The following NOS1 variants were observed in gnomAD, a reference collection of about 807,000 sequenced individuals.
NOS1 encodes the protein NOS type I.
In NOS1, 51 loss-of-function variants were observed where a neutral mutation model predicts 164.5. The observed-to-expected ratio is 0.31, with a 90% CI of 0.25 to 0.39. The LOEUF (loss-of-function observed/expected upper bound fraction) is 0.39, where lower values mean the gene tolerates loss of function less well. NOS1 is among the 10% of genes least tolerant of loss of function. NOS1 has a pLI of 1.00. For missense variants in NOS1, 1,362 were observed against 1,885.6 expected, an observed-to-expected ratio of 0.72 and a Z score of 5.14; for synonymous variants, 719 against 745.8, an observed-to-expected ratio of 0.96 and a Z score of 0.59.
chr12:117,336,827 C>T (rs1446233752), intron 1 of NOS1, among the ~76,000 whole-genome samples: 1 of 152,142 alleles, frequency 6.6e-6, no homozygotes, highest in East Asian at 1.9e-4. Context: ...GACAGGGTCT[C>T]ACTCTGTCAC....
Position 117,330,688 on chromosome 12 carries a change from G to T in NOS1, c.382C>A (p.Pro128Thr), listed in dbSNP as rs1203554556. The T allele has an allele frequency of 1.2e-6, 2 of 1,613,540 alleles. No homozygotes were observed. The highest frequency in any genetic ancestry group is 2.2e-5 in the East Asian group (1 of 44,826). The stretch of plus-strand genomic sequence containing the variant: ...GACAGATCCACGGCTTTGGTGGGGG[G>T]ACCCAGGGGCTGTGTCACCCGGATG... ...KTIRVTQPLG[P>T]PTKAVDLSHQ... The change falls in exon 2 of 29, where the codon CCC becomes ACC. Residue 128 changes from proline to threonine, a missense_variant. Around this residue, in one of 4 missense-constraint regions of NOS1, gnomAD observed 362 missense variants for 402.0 expected, o/e 0.90. Coordinates refer to ENST00000317775, the MANE Select transcript of NOS1 (RefSeq NM_000620.5). The surrounding 1 kb of genome is among the most constrained non-coding windows in gnomAD (Gnocchi z 4.6).
rs1224575175 is a variant in NOS1 at position 117,213,864 on chromosome 12, C to G, written c.*1445G>C. 1.0e-6 allele frequency: 1 copy of G among 985,250 alleles called. No individual in the cohort carries two copies. The highest frequency in any genetic ancestry group is 1.1e-4 in the East Asian group (1 of 8,828). 61.0% of individuals were successfully genotyped at this position (985,250 alleles called of 1,614,324 possible). A position where few individuals can be genotyped will look rare whatever the true frequency, so the allele number is the denominator to read the frequency against. On this transcript the variant is annotated 3_prime_UTR_variant, in exon 29 of 29. Coordinates refer to ENST00000317775, the MANE Select transcript of NOS1 (RefSeq NM_000620.5). The stretch of plus-strand genomic sequence containing the variant: ...AAAAAGTATACAAAGGGATCCCTTC[C>G]CACCATTTACTCTGAGAGAGTAAAT...
chr12:117,262,032 C>T (rs1013413356), intron 13 of NOS1, among the ~76,000 whole-genome samples: 1 of 152,148 alleles, frequency 6.6e-6, no homozygotes, highest in African/African-American at 2.4e-5. Flanking sequence ...TCAGTGCAGA[C>T]AAATCGCTAA....
At chr12:117,324,969 C>T (rs890826502) in intron 2 of NOS1, among the ~76,000 whole-genome samples, 11 of 152,186 alleles carry the variant, frequency 7.2e-5, no homozygotes, top group Non-Finnish European at 1.5e-4. Context: ...GGAGATTAAG[C>T]CTGTTTCCAA....
At chr12:117,309,328 T>C in intron 3 of NOS1, 2 of 985,292 alleles carry the variant, frequency 2.0e-6, no homozygotes, top group Non-Finnish European at 2.4e-6. Flanking sequence ...ACAGAATCCC[T>C]GATGTCCTTA....
chr12:117,221,670 G>C (rs192131936), intron 26 of NOS1, among the ~76,000 whole-genome samples: 1 of 151,450 alleles, frequency 6.6e-6, no homozygotes, highest in Non-Finnish European at 1.5e-5. Context: ...GTCTTGGTCT[G>C]TTGCCCAGGG....
chr12:117,208,806 T>C lies in NOS1; in HGVS notation c.*6503A>G. The C allele has an allele frequency of 1.1e-6, 1 of 875,088 alleles. No individual in the cohort carries two copies. The highest frequency in any genetic ancestry group is 1.4e-6 in the Non-Finnish European group (1 of 730,758). The allele number at this position is 875,088 out of a possible 1,614,324, so 54.2% of individuals were successfully genotyped here. ...GGTGCCATCTCGGCTCACTGCAGCC[T>C]CTGCCTCCTGGGTTCAAGTAATTCT... On this transcript the variant is annotated 3_prime_UTR_variant, in exon 29 of 29. Coordinates refer to ENST00000317775, the MANE Select transcript of NOS1 (RefSeq NM_000620.5).
In NOS1 at chr12:117,286,132, A is replaced by G; in HGVS notation, c.1262T>C (p.Val421Ala). 14 of 1,614,206 alleles carry G rather than the reference A, an allele frequency of 8.7e-6. No individual in the cohort carries two copies. Among genetic ancestry groups the G allele is most frequent in the Non-Finnish European group, 1.1e-5 (13 of 1,180,042 alleles). ...KHAWRNASRCVGRIQWSKLQV... is the reference protein window; with the variant it reads ...KHAWRNASRCAGRIQWSKLQV... ...CAGCTTGGACCACTGGATCCTGCCC[A>G]CACAGCGCGAGGCATTCCGCCAGGC... Residue 421 changes from valine to alanine, a missense_variant, in exon 6 of 29, where the codon GTG becomes GCG. Transcript: ENST00000317775.
chr12:117,269,474 T>TG (rs2135993960), intron 10 of NOS1, among the ~76,000 whole-genome samples: 1 of 144,920 alleles, frequency 6.9e-6, no homozygotes, highest in African/African-American at 2.6e-5. Context: ...GTTTTTTTTT[T>TG]TTTTTTTTTT....
chr12:117,316,674 T>C (rs138244528), intron 2 of NOS1, among the ~76,000 whole-genome samples: 31 of 152,252 alleles, frequency 2.0e-4, no homozygotes, highest in Non-Finnish European at 2.9e-4. Context: ...CAACAAGAGC[T>C]TGCAGATGAG....
chr12:117,227,034 G>T (rs1430595541), intron 23 of NOS1, among the ~76,000 whole-genome samples: 4 of 152,086 alleles, frequency 2.6e-5, no homozygotes, highest in Admixed American at 2.6e-4. Context: ...TGGCTTGCTG[G>T]GCTCCTGGGA....
At chr12:117,300,141 T>G (rs1566065786) in intron 3 of NOS1, among the ~76,000 whole-genome samples, 1 of 152,132 alleles carries the variant, frequency 6.6e-6, no homozygotes, top group East Asian at 1.9e-4. Flanking sequence ...TGTTGACCTG[T>G]AAGAGCCTCT....
At chr12:117,316,005 C>T (rs1874650892) in intron 2 of NOS1, among the ~76,000 whole-genome samples, 1 of 152,158 alleles carries the variant, frequency 6.6e-6, no homozygotes, top group Non-Finnish European at 1.5e-5. Flanking sequence ...CATATCTGCA[C>T]AATCCCATGT....
chr12:117,338,127 G>T (rs1158855963), intron 1 of NOS1, among the ~76,000 whole-genome samples: 1 of 152,138 alleles, frequency 6.6e-6, no homozygotes, highest in Non-Finnish European at 1.5e-5. Context: ...TGAGGCAGGA[G>T]AATGACTTGA....
chr12:117,300,918 C>T lies in NOS1; in HGVS notation c.853-10492G>A, dbSNP rs7961022. Among the ~76,000 whole-genome samples, 515 of 152,156 alleles carry T rather than the reference C, an allele frequency of 3.4e-3. 3 individuals carry two copies. Among genetic ancestry groups the T allele is most frequent in the African/African-American group, 0.012 (487 of 41,500 alleles). On this transcript the variant is annotated intron_variant, in intron 3 of 28. Coordinates refer to ENST00000317775, the MANE Select transcript of NOS1 (RefSeq NM_000620.5). ...CCTGAGATGTCAGCCTCAAGGGAGC[C>T]GATGGACTCTGCCAAAGCCAGCCAA...
chr12:117,220,102 G>A lies in NOS1; in HGVS notation c.4143C>T (p.Asp1381=), dbSNP rs750230730. 13 of 1,612,140 alleles carry A rather than the reference G, an allele frequency of 8.1e-6. No homozygotes were observed. Among genetic ancestry groups the A allele is most frequent in the Middle Eastern group, 1.6e-4 (1 of 6,072 alleles). ...MTQQGKLSAE[D]AGVFISRMRD... ...TCATCCGGCTGATGAATACGCCGGCGTCCTCTGCCGAGAGCTTCCCCTGCT... is the reference window on the plus strand; with the variant it reads ...TCATCCGGCTGATGAATACGCCGGCATCCTCTGCCGAGAGCTTCCCCTGCT... Residue 1381 remains aspartate, a synonymous_variant, in exon 27 of 29, where the codon GAC becomes GAT. Coordinates refer to ENST00000317775, the MANE Select transcript of NOS1 (RefSeq NM_000620.5).
At chr12:117,275,572 G>T (rs1023378917) in intron 9 of NOS1, among the ~76,000 whole-genome samples, 2 of 152,046 alleles carry the variant, frequency 1.3e-5, no homozygotes, top group African/African-American at 2.4e-5. Context: ...GGAATAAGTT[G>T]TACTGTTCTA....
At chr12:117,308,081 C>T (rs750169053) in intron 3 of NOS1, among the ~76,000 whole-genome samples, 22 of 151,988 alleles carry the variant, frequency 1.4e-4, no homozygotes, top group Non-Finnish European at 3.2e-4. Context: ...AGCACTAATG[C>T]TATTATAAAT....
intron 2 of NOS1, among the ~76,000 whole-genome samples, chr12:117,313,974 T>G (rs139481658): frequency 2.1e-4 from 32 of 152,142 alleles, no homozygotes; most frequent in African/African-American, 6.7e-4. Context: ...CTTAGGGGAC[T>G]CCCCCATCCC....
Sources: allele counts gnomAD v4.1 joint callset (sites outside exome capture counted in the v4.1 genomes callset), GRCh38; gene constraint gnomAD v4.1.1; regional missense constraint gnomAD v4.1.1; non-coding constraint Gnocchi (gnomAD v3.1); transcripts MANE v1.5; gene names NCBI Gene and HGNC (gene_info 2026-07-23, HGNC 2026-07-21).